The following LPA variants were observed in gnomAD, a reference collection of about 807,000 sequenced individuals.
LPA encodes lipoprotein(a), also known as apolipoprotein(a).
Under a neutral mutation model 197.9 loss-of-function variants are expected in LPA, and 199 were observed. That is an observed-to-expected ratio of 1.01 (90% CI 0.90 to 1.13). The LOEUF is 1.13. Ranked by LOEUF, LPA falls within the 50% of genes most tolerant of loss-of-function variation. LPA has a pLI of 0.00. For missense variants in LPA, 1,853 were observed against 1,785.8 expected (o/e 1.04, Z -0.68); for synonymous variants, 715 against 639.5 (o/e 1.12, Z -1.78).
At chr6:160,552,079 A>G (rs1778175529) in intron 30 of LPA, among the ~76,000 whole-genome samples, 2 of 151,874 alleles carry the variant, frequency 1.3e-5, no homozygotes, top group Non-Finnish European at 2.9e-5. Context: ...CATCGATCTA[A>G]TTGTTTATTT....
intron 22 of LPA, 129 bp downstream of exon 22, chr6:160,593,829 C>T (rs566794029): frequency 4.2e-6 from 5 of 1,186,246 alleles, no homozygotes; most frequent in Middle Eastern, 2.8e-4. Flanking sequence ...AGAAAGAAGC[C>T]TGAGACATTC....
intron 18 of LPA, among the ~76,000 whole-genome samples, chr6:160,601,610 C>A (rs1160169023): frequency 6.6e-6 from 1 of 152,222 alleles, no homozygotes; most frequent in African/African-American, 2.4e-5. Context: ...CCAGCAGTCT[C>A]ATTCAATGTA....
At chr6:160,554,564 G>T (rs1404848376) in intron 30 of LPA, among the ~76,000 whole-genome samples, 3 of 152,084 alleles carry the variant, frequency 2.0e-5, no homozygotes, top group Non-Finnish European at 4.4e-5. Flanking sequence ...TCTACTGAAT[G>T]CCCGAGATGT....
Position 160,578,656 on chromosome 6 carries a change from A to G in LPA, c.4338T>C (p.Pro1446=). 1 of 1,613,956 alleles carries G rather than the reference A, an allele frequency of 6.2e-7. No homozygotes were observed. The highest frequency in any genetic ancestry group is 8.5e-7 in the Non-Finnish European group (1 of 1,179,892). ...CACTGGGATCCATGGTGTAACACCA[A>G]GGGCGAATCTCAGCATCTGGATTCC... The part of the protein sequence containing the change: ...YCRNPDAEIR[P]WCYTMDPSVR... The change falls in exon 27 of 39, where the codon CCT becomes CCC. Residue 1446 remains proline (P), a synonymous_variant. Coordinates refer to ENST00000316300, the MANE Select transcript of LPA (RefSeq NM_005577.4).
chr6:160,647,790 A>G (rs1391872478), intron 2 of LPA, among the ~76,000 whole-genome samples: 1 of 152,198 alleles, frequency 6.6e-6, no homozygotes, highest in Non-Finnish European at 1.5e-5. Flanking sequence ...ACTTCTACAT[A>G]TGGTAAAGTT....
chr6:160,533,900 C>G (rs1777844164), intron 37 of LPA, among the ~76,000 whole-genome samples: 1 of 152,210 alleles, frequency 6.6e-6, no homozygotes, highest in African/African-American at 2.4e-5. Flanking sequence ...AGAGGAAATG[C>G]TGTTTTTCCA....
At chr6:160,650,949 G>A (rs1779994435) in intron 1 of LPA, among the ~76,000 whole-genome samples, 1 of 152,118 alleles carries the variant, frequency 6.6e-6, no homozygotes, top group Non-Finnish European at 1.5e-5. Flanking sequence ...TCTGGGCAAT[G>A]GGGGGAGAAA....
At chr6:160,559,787 T>C (rs1240539428) in intron 28 of LPA, among the ~76,000 whole-genome samples, 4 of 152,176 alleles carry the variant, frequency 2.6e-5, no homozygotes, top group African/African-American at 9.7e-5. Flanking sequence ...CATTCTGCAG[T>C]TCTGTATCTT....
chr6:160,607,761 T>C (rs1779390228), intron 16 of LPA, among the ~76,000 whole-genome samples: 1 of 152,100 alleles, frequency 6.6e-6, no homozygotes, highest in Non-Finnish European at 1.5e-5. Context: ...AGGAAGCTGG[T>C]TCAATGAGCT....
At chr6:160,571,780 T>C (rs1778566412) in intron 28 of LPA, among the ~76,000 whole-genome samples, 1 of 152,192 alleles carries the variant, frequency 6.6e-6, no homozygotes, top group South Asian at 2.1e-4. Flanking sequence ...GCAGCAAGAA[T>C]TTCAAGCCAG....
chr6:160,611,107 C>G (rs752651085), intron 16 of LPA, among the ~76,000 whole-genome samples: 1 of 152,070 alleles, frequency 6.6e-6, no homozygotes, highest in Non-Finnish European at 1.5e-5. Flanking sequence ...TATTGGAATA[C>G]AGGTAGAAAT....
At chr6:160,646,703 T>C (rs1286876198) in intron 2 of LPA, among the ~76,000 whole-genome samples, 9 of 137,476 alleles carry the variant, frequency 6.5e-5, no homozygotes, top group African/African-American at 2.6e-4. Flanking sequence ...CCTTCTGCCT[T>C]CTGCCCAATC....
chr6:160,575,972 T>C (rs1778646957), intron 28 of LPA, among the ~76,000 whole-genome samples: 2 of 152,156 alleles, frequency 1.3e-5, no homozygotes, highest in Admixed American at 1.3e-4. Context: ...TCATCAAGAC[T>C]GCTGTGGTCT....
intron 18 of LPA, among the ~76,000 whole-genome samples, chr6:160,603,331 C>G (rs1049426158): frequency 2.0e-5 from 3 of 151,224 alleles, no homozygotes; most frequent in Non-Finnish European, 4.4e-5. Context: ...GTATGTGTAG[C>G]TGGTTCTGTA....
At chr6:160,584,386 C>A (rs954016905) in intron 26 of LPA, among the ~76,000 whole-genome samples, 2 of 144,770 alleles carry the variant, frequency 1.4e-5, no homozygotes, top group African/African-American at 5.2e-5. Flanking sequence ...GGCTGGAGTG[C>A]AGTGGCATGT....
intron 16 of LPA, among the ~76,000 whole-genome samples, chr6:160,607,094 G>T (rs1339432847): frequency 6.6e-6 from 1 of 151,938 alleles, no homozygotes; most frequent in African/African-American, 2.4e-5. Context: ...ATTCTAATGT[G>T]CAAGTTGCAA....
chr6:160,554,490 C>A (rs1377908627), intron 30 of LPA, among the ~76,000 whole-genome samples: 3 of 152,208 alleles, frequency 2.0e-5, no homozygotes, highest in African/African-American at 4.8e-5. Context: ...TAGGGTGTTT[C>A]TGGGGTAGTC....
At chr6:160,557,656 AGT>A in intron 28 of LPA, 85 bp from the exon 29 acceptor site, 1 of 1,172,628 alleles carries the variant, frequency 8.5e-7, no homozygotes, top group South Asian at 1.2e-5. Context: ...GTTATAACAA[AGT>A]GTTAAAAAGT....
chr6:160,598,853 C>A (rs1779180890), intron 20 of LPA, among the ~76,000 whole-genome samples: 1 of 152,210 alleles, frequency 6.6e-6, no homozygotes, highest in Non-Finnish European at 1.5e-5. Context: ...GCCAACACAA[C>A]ATTCACTTCA....
Sources: gnomAD v4.1 joint callset for allele counts (sites outside exome capture counted in the v4.1 genomes callset) on GRCh38, gnomAD v4.1.1 for gene constraint, MANE v1.5 for transcripts, NCBI Gene and HGNC (gene_info 2026-07-23, HGNC 2026-07-21) for gene names.